Variants in GORAB observed in about 807,000 individuals in gnomAD.
GORAB encodes the protein RAB6-interacting golgin.
GORAB carries 17 observed loss-of-function variants against 29.9 expected under a neutral mutation model. The observed-to-expected ratio is 0.57, with a 90% CI of 0.39 to 0.85. The LOEUF (loss-of-function observed/expected upper bound fraction) is 0.85. Among genes scored for constraint, GORAB ranks in the 40% least tolerant of loss-of-function variants. The pLI is 0.00. For synonymous variants in GORAB, 183 were observed against 157.2 expected (o/e 1.16, Z -1.23); for missense variants, 442 against 437.8 (o/e 1.01, Z -0.09).
At chr1:170,539,607 T>G (rs1213823793) in intron 2 of GORAB, 40 bp downstream of exon 2, 5 of 1,595,284 alleles carry the variant, frequency 3.1e-6, no homozygotes, top group Non-Finnish European at 4.3e-6. Context: ...GACTTTTCAT[T>G]TAACCCGTTT....
intron 2 of GORAB, among the ~76,000 whole-genome samples, chr1:170,540,079 G>A (rs1226895713): frequency 6.7e-6 from 1 of 149,932 alleles, no homozygotes; most frequent in African/African-American, 2.5e-5. Flanking sequence ...TGCCCAAATT[G>A]ACCCCTTTTT....
chr1:170,540,047 G>C lies in GORAB; in HGVS notation c.419+480G>C, dbSNP rs538475425. Among the ~76,000 whole-genome samples the C allele has an allele frequency of 4.0e-5, 6 of 150,844 alleles. No individual in the cohort carries two copies. The South Asian group carries it at 6.3e-4, about 16-fold the overall frequency. ...ATGGCGCAATCACAGCTCAGAAGCA[G>C]TTCTTATATGCATAGTGCCTCTGCC... On this transcript the variant is annotated intron_variant, in intron 2 of 4. Coordinates refer to ENST00000367763, the MANE Select transcript of GORAB (RefSeq NM_152281.3).
intron 3 of GORAB, among the ~76,000 whole-genome samples, chr1:170,543,218 C>T (rs1649547722): frequency 6.6e-6 from 1 of 152,218 alleles, no homozygotes; most frequent in African/African-American, 2.4e-5. Flanking sequence ...CAACAACATT[C>T]CCATTGGAAT....
chr1:170,532,924 T>C (rs1351590175), intron 1 of GORAB, among the ~76,000 whole-genome samples: 1 of 152,234 alleles, frequency 6.6e-6, no homozygotes, highest in Non-Finnish European at 1.5e-5. Flanking sequence ...GCTAACCTTG[T>C]GCTTCTCTCT....
At chr1:170,541,466 C>T (rs142303107) in intron 2 of GORAB, among the ~76,000 whole-genome samples, 569 of 151,988 alleles carry the variant, frequency 3.7e-3, no homozygotes, top group African/African-American at 9.9e-3. Flanking sequence ...GGAACTAAGG[C>T]GCCTGGTGAG....
rs1240609015 is a variant in GORAB, at chr1:170,539,456, T to C, written c.308T>C (p.Ile103Thr). The change falls in exon 2 of 5, where the codon ATT (isoleucine) becomes ACT (threonine). Residue 103 changes from isoleucine to threonine, a missense_variant. Transcript: ENST00000367763. Reference sequence around the variant, plus strand: ...GTTGGTGATGGACAACCACAGGGCATTGAAAGTCAGCCAAAGGAACTGGGA... The same window carrying C: ...GTTGGTGATGGACAACCACAGGGCACTGAAAGTCAGCCAAAGGAACTGGGA... The part of the protein sequence containing the change: ...SPVGDGQPQG[I>T]ESQPKELGLE... The C allele has an allele frequency of 6.2e-7, 1 of 1,614,112 alleles. No homozygotes were observed. The highest frequency in any genetic ancestry group is 8.5e-7 in the Non-Finnish European group (1 of 1,180,000).
At chr1:170,539,151 G>A (rs1446320398) in intron 1 of GORAB, 59 bp from the exon 2 acceptor site, 1 of 1,592,336 alleles carries the variant, frequency 6.3e-7, no homozygotes. Flanking sequence ...TTTTCTTAGA[G>A]GAATTATAAT....
chr1:170,539,910 G>A (rs1297940581), intron 2 of GORAB, among the ~76,000 whole-genome samples: 1 of 151,672 alleles, frequency 6.6e-6, no homozygotes, highest in Non-Finnish European at 1.5e-5. Context: ...AGATAAGTCT[G>A]TCTGGATCCA....
At chr1:170,547,268 G>A (rs1288858142) in intron 4 of GORAB, among the ~76,000 whole-genome samples, 1 of 152,048 alleles carries the variant, frequency 6.6e-6, no homozygotes, top group African/African-American at 2.4e-5. Flanking sequence ...ATTTGGTACA[G>A]TGCTATGTCC....
In GORAB at chr1:170,532,180, C is replaced by T. The variant is rs375554700; in HGVS notation, c.-44C>T. On this transcript the variant is annotated 5_prime_UTR_variant, in exon 1 of 5. Transcript: ENST00000367763. ...TGGGCAGCAGTGTTGGCAGTCGCGG[C>T]TGCGAGATTTGGGCACTTTTGGGGG... 29 of 1,613,512 alleles carry T rather than the reference C, an allele frequency of 1.8e-5. No homozygotes were observed. Among genetic ancestry groups the T allele is most frequent in the Non-Finnish European group, 2.3e-5 (27 of 1,180,032 alleles).
chr1:170,551,118 C>T (rs1450858452), intron 4 of GORAB, among the ~76,000 whole-genome samples: 1 of 152,094 alleles, frequency 6.6e-6, no homozygotes, highest in East Asian at 1.9e-4. Context: ...CAACTTAACC[C>T]AAGGATTCTC....
intron 3 of GORAB, among the ~76,000 whole-genome samples, chr1:170,543,585 CTA>C: frequency 6.7e-6 from 1 of 148,636 alleles, no homozygotes; most frequent in South Asian, 2.1e-4. Flanking sequence ...CACTGAGTTA[CTA>C]TGTTTCAAAG....
In GORAB at chr1:170,535,644, G is replaced by A. The variant is rs149083494; in HGVS notation, c.61+3360G>A. Among the ~76,000 whole-genome samples the A allele has an allele frequency of 5.1e-3, 772 of 152,210 alleles. 9 individuals carry two copies. Among genetic ancestry groups the A allele is most frequent in the African/African-American group, 0.018 (736 of 41,520 alleles). ...TAACCTTGAACTCCTGGGCTCAAGC[G>A]ATCCTCCTGCCTCAGACTTCCAAGT... On this transcript the variant is annotated intron_variant, in intron 1 of 4. Coordinates refer to ENST00000367763, the MANE Select transcript of GORAB (RefSeq NM_152281.3).
chr1:170,548,134 A>G (rs1649874738), intron 4 of GORAB, among the ~76,000 whole-genome samples: 1 of 152,234 alleles, frequency 6.6e-6, no homozygotes, highest in Non-Finnish European at 1.5e-5. Flanking sequence ...AAGGTGTCAG[A>G]TTTGTGATTT....
At chr1:170,548,765 A>T (rs528184522) in intron 4 of GORAB, among the ~76,000 whole-genome samples, 1 of 152,216 alleles carries the variant, frequency 6.6e-6, no homozygotes, top group Non-Finnish European at 1.5e-5. Flanking sequence ...TGATGAAATA[A>T]TTCCTAGGAT....
At chr1:170,545,330 A>C (rs1402820077) in intron 4 of GORAB, 3 of 971,780 alleles carry the variant, frequency 3.1e-6, no homozygotes, top group Non-Finnish European at 3.7e-6. Context: ...AAAGCTTATG[A>C]ATATTTTAAG....
chr1:170,534,503 A>G (rs1648927769), intron 1 of GORAB, among the ~76,000 whole-genome samples: 1 of 152,200 alleles, frequency 6.6e-6, no homozygotes, highest in Non-Finnish European at 1.5e-5. Flanking sequence ...AGGATCAGCT[A>G]GCTGTATATA....
intron 1 of GORAB, among the ~76,000 whole-genome samples, chr1:170,535,603 C>A (rs150364330): frequency 6.6e-6 from 1 of 152,142 alleles, no homozygotes; most frequent in Non-Finnish European, 1.5e-5. Context: ...TGCAGTAGCA[C>A]GATCATAGTT....
At chr1:170,546,342 A>G (rs1649762057) in intron 4 of GORAB, among the ~76,000 whole-genome samples, 1 of 151,948 alleles carries the variant, frequency 6.6e-6, no homozygotes, top group South Asian at 2.1e-4. Flanking sequence ...GTGAGCCAAG[A>G]TTGCGCCACT....
Sources: gnomAD v4.1 joint callset for allele counts (sites outside exome capture counted in the v4.1 genomes callset) on GRCh38, gnomAD v4.1.1 for gene constraint, MANE v1.5 for transcripts, NCBI Gene and HGNC (gene_info 2026-07-23, HGNC 2026-07-21) for gene names.